Variants in CNTNAP5 observed in about 807,000 individuals in gnomAD.
CNTNAP5 encodes contactin associated protein family member 5.
A neutral mutation model predicts 150.2 loss-of-function variants in CNTNAP5; 72 were observed. The observed-to-expected ratio is 0.48, with a 90% confidence interval of 0.40 to 0.58. The LOEUF (loss-of-function observed/expected upper bound fraction) is 0.58, where lower values mean the gene tolerates loss of function less well. Ranked by LOEUF, CNTNAP5 falls within the 20% of genes least tolerant of loss-of-function variation. CNTNAP5 has a pLI of 0.00. For missense variants in CNTNAP5, 1,636 were observed against 1,626.2 expected (o/e 1.01, Z -0.10); for synonymous variants, 672 against 619.8 (o/e 1.08, Z -1.25).
chr2:124,506,958 C>A (rs1050191248), intron 8 of CNTNAP5, among the ~76,000 whole-genome samples: 12 of 152,076 alleles, frequency 7.9e-5, no homozygotes, highest in African/African-American at 2.9e-4. Context: ...TACATTTTTA[C>A]CCTCAAGTTA....
At chr2:124,473,872 A>T (rs1398939892) in intron 6 of CNTNAP5, among the ~76,000 whole-genome samples, 2 of 152,074 alleles carry the variant, frequency 1.3e-5, no homozygotes, top group African/African-American at 4.8e-5. Flanking sequence ...GTTAATACTA[A>T]TTAGAAATAA....
chr2:124,897,254 C>T (rs1678325095), intron 21 of CNTNAP5, among the ~76,000 whole-genome samples: 1 of 151,278 alleles, frequency 6.6e-6, no homozygotes, highest in Admixed American at 6.6e-5. Context: ...TCACTGTTAC[C>T]CTAGATTTGT....
At chr2:124,804,638 A>G (rs1682043857) in intron 19 of CNTNAP5, among the ~76,000 whole-genome samples, 1 of 152,242 alleles carries the variant, frequency 6.6e-6, no homozygotes, top group Middle Eastern at 3.4e-3. Flanking sequence ...CCATGTGAGG[A>G]CACTGAGAAG....
At chr2:124,417,930 C>T (rs1691967635) in intron 4 of CNTNAP5, among the ~76,000 whole-genome samples, 1 of 152,152 alleles carries the variant, frequency 6.6e-6, no homozygotes, top group Non-Finnish European at 1.5e-5. Flanking sequence ...TCTTCTCTGC[C>T]CTGCTTTCCC....
At chr2:124,569,004 C>T (rs1696093332) in intron 11 of CNTNAP5, among the ~76,000 whole-genome samples, 1 of 152,076 alleles carries the variant, frequency 6.6e-6, no homozygotes, top group African/African-American at 2.4e-5. Context: ...GCCAAGATCG[C>T]GCCACTGCAC....
intron 1 of CNTNAP5, among the ~76,000 whole-genome samples, chr2:124,142,823 A>G (rs1346165753): frequency 6.6e-6 from 1 of 150,854 alleles, no homozygotes; most frequent in Non-Finnish European, 1.5e-5. Context: ...GACACAAAAA[A>G]CCCTTCAAAA....
intron 11 of CNTNAP5, among the ~76,000 whole-genome samples, chr2:124,579,915 C>T (rs1206581383): frequency 6.6e-6 from 1 of 152,224 alleles, no homozygotes; most frequent in Non-Finnish European, 1.5e-5. Flanking sequence ...TAGGTTCCAA[C>T]AGACCAGACC....
intron 12 of CNTNAP5, among the ~76,000 whole-genome samples, chr2:124,643,952 A>T (rs1227897736): frequency 6.6e-6 from 1 of 152,206 alleles, no homozygotes; most frequent in African/African-American, 2.4e-5. Flanking sequence ...TAATAATTTC[A>T]TCAGGGTTGC....
intron 23 of CNTNAP5, 125 bp from the exon 24 acceptor site, chr2:124,913,967 G>C (rs1840205): frequency 3.3e-6 from 2 of 600,022 alleles, no homozygotes; most frequent in Non-Finnish European, 5.8e-6. Flanking sequence ...GCAGAGTTGC[G>C]TTTGTGTGAT....
rs1574002337 is a variant in CNTNAP5 at position 124,450,044 on chromosome 2, T to C, written c.918+3107T>C. 2.0e-5 allele frequency among the ~76,000 whole-genome samples: 3 copies of C among 146,762 alleles called. No homozygotes were observed. The South Asian group carries it at 6.9e-4, about 34-fold the overall frequency. ...AAGGAATGGAGCTAAACAGGATATG[T>C]AAATCTAAGGTCTATTTTATCACAA... On this transcript the variant is annotated intron_variant, in intron 6 of 23. Coordinates refer to ENST00000682447, the MANE Select transcript of CNTNAP5 (RefSeq NM_001367498.1).
intron 3 of CNTNAP5, among the ~76,000 whole-genome samples, chr2:124,359,429 C>G (rs1466282097): frequency 2.0e-5 from 3 of 151,914 alleles, no homozygotes; most frequent in African/African-American, 4.8e-5. Flanking sequence ...CCTGCTTTCT[C>G]TTGTGGGCAT....
At chr2:124,252,353 C>A (rs1446571862) in intron 3 of CNTNAP5, among the ~76,000 whole-genome samples, 1 of 152,132 alleles carries the variant, frequency 6.6e-6, no homozygotes, top group Non-Finnish European at 1.5e-5. Flanking sequence ...AAGCTTGCTG[C>A]TCCTGCATCC....
Position 124,920,356 on chromosome 2 carries a change from C to T in CNTNAP5, c.*6068C>T, listed in dbSNP as rs181570097. On this transcript the variant is annotated 3_prime_UTR_variant, in exon 24 of 24. Coordinates refer to ENST00000682447, the MANE Select transcript of CNTNAP5 (RefSeq NM_001367498.1). ...AGAAACCTTGAAGGGAAAATATTAACGGGCATCAGCCTGGGCATACTTTCC... is the reference window on the plus strand; with the variant it reads ...AGAAACCTTGAAGGGAAAATATTAATGGGCATCAGCCTGGGCATACTTTCC... 6.6e-5 allele frequency among the ~76,000 whole-genome samples: 10 copies of T among 152,212 alleles called. 1 individual carries two copies. The South Asian group carries it at 1.0e-3, about 16-fold the overall frequency.
chr2:124,675,940 T>C (rs1678930649), intron 13 of CNTNAP5, among the ~76,000 whole-genome samples: 1 of 152,208 alleles, frequency 6.6e-6, no homozygotes. Flanking sequence ...AATGTGTTTC[T>C]TGAAAATAGG....
intron 11 of CNTNAP5, among the ~76,000 whole-genome samples, chr2:124,567,151 A>G (rs112209121): frequency 0.024 from 3,654 of 152,234 alleles, 161 homozygotes; most frequent in African/African-American, 0.084. Context: ...CAGACTTAGG[A>G]CAGATAGGAT....
At chr2:124,265,269 C>T (rs1687575751) in intron 3 of CNTNAP5, among the ~76,000 whole-genome samples, 1 of 152,186 alleles carries the variant, frequency 6.6e-6, no homozygotes, top group South Asian at 2.1e-4. Context: ...TCCAGCGCAG[C>T]TCATCCCTGC....
intron 1 of CNTNAP5, among the ~76,000 whole-genome samples, chr2:124,051,524 A>G (rs1416717481): frequency 6.6e-6 from 1 of 152,234 alleles, no homozygotes; most frequent in Non-Finnish European, 1.5e-5. Flanking sequence ...AGGAATCCTG[A>G]TGTTAATACA....
At chr2:124,191,885 C>T (rs1031493517) in intron 1 of CNTNAP5, among the ~76,000 whole-genome samples, 4 of 150,372 alleles carry the variant, frequency 2.7e-5, no homozygotes, top group Admixed American at 1.3e-4. Context: ...GGCAACAGAG[C>T]GAGACTCCAT....
At chr2:124,655,349 A>G (rs35627297) in intron 13 of CNTNAP5, among the ~76,000 whole-genome samples, 27,983 of 152,000 alleles carry the variant, frequency 0.18, 2,835 homozygotes, top group Non-Finnish European at 0.24. Context: ...GCTGCATAGT[A>G]TTCCATGGTG....
Sources: gnomAD v4.1 joint callset for allele counts (sites outside exome capture counted in the v4.1 genomes callset) on GRCh38, gnomAD v4.1.1 for gene constraint, MANE v1.5 for transcripts, NCBI Gene and HGNC (gene_info 2026-07-23, HGNC 2026-07-21) for gene names.